ANGPT1: variants seen among roughly 807,000 people sequenced by gnomAD.
ANGPT1 encodes the protein angiopoietin-1.
Under a neutral mutation model 62.2 loss-of-function variants are expected in ANGPT1, and 17 were observed. The ratio of observed to expected loss-of-function variants is 0.27; its 90% confidence interval spans 0.19 to 0.41. The LOEUF (loss-of-function observed/expected upper bound fraction) is 0.41, where lower values mean the gene tolerates loss of function less well. Ranked by LOEUF, ANGPT1 falls within the 10% of genes least tolerant of loss-of-function variation. The pLI is 1.00. For synonymous variants in ANGPT1, 199 were observed against 198.9 expected (o/e 1.00, Z 0.00); for missense variants, 478 against 594.9 (o/e 0.80, Z 2.04).
chr8:107,414,192 G>A (rs1356383285), intron 1 of ANGPT1, among the ~76,000 whole-genome samples: 1 of 152,104 alleles, frequency 6.6e-6, no homozygotes, highest in South Asian at 2.1e-4. Context: ...ATCAGGATGG[G>A]AAGGAGTAAG....
intron 1 of ANGPT1, among the ~76,000 whole-genome samples, chr8:107,395,091 C>G (rs925223469): frequency 6.6e-6 from 1 of 152,200 alleles, no homozygotes; most frequent in East Asian, 1.9e-4. Context: ...AGTGAGCTGC[C>G]TTCTGAAGAG....
intron 1 of ANGPT1, among the ~76,000 whole-genome samples, chr8:107,358,487 T>C (rs1020047811): frequency 4.6e-5 from 7 of 152,164 alleles, no homozygotes; most frequent in Non-Finnish European, 1.0e-4. Flanking sequence ...CAAGTGCTAT[T>C]GGATGAGAGA....
chr8:107,302,498 C>T lies in ANGPT1; in HGVS notation c.936+742G>A, dbSNP rs186148451. On this transcript the variant is annotated intron_variant, in intron 5 of 8. Coordinates refer to ENST00000517746, the MANE Select transcript of ANGPT1 (RefSeq NM_001146.5). ...ATTGACAGCATTTTATAACTATCTGCATAATTGTCTATCTTCATCATTACA... is the reference window on the plus strand; with the variant it reads ...ATTGACAGCATTTTATAACTATCTGTATAATTGTCTATCTTCATCATTACA... 6.4e-4 allele frequency among the ~76,000 whole-genome samples: 98 copies of T among 152,044 alleles called. 2 individuals carry two copies. In the South Asian group the frequency reaches 0.012, roughly 18 times the overall value.
chr8:107,397,083 A>G (rs1276279784), intron 1 of ANGPT1, among the ~76,000 whole-genome samples: 5 of 152,128 alleles, frequency 3.3e-5, no homozygotes, highest in African/African-American at 1.2e-4. Context: ...TTAATGGCCC[A>G]ATTGGTAATT....
chr8:107,492,844 T>C (rs1448820245), intron 1 of ANGPT1, among the ~76,000 whole-genome samples: 1 of 150,414 alleles, frequency 6.6e-6, no homozygotes, highest in African/African-American at 2.5e-5. Flanking sequence ...ATGCATATTA[T>C]TATAATTAAG....
intron 1 of ANGPT1, among the ~76,000 whole-genome samples, chr8:107,379,289 G>A (rs1672209): frequency 0.74 from 111,898 of 151,498 alleles, 42,272 homozygotes; most frequent in East Asian, 0.87. Context: ...CCCTCCCTTG[G>A]TAGGCCACTA....
chr8:107,333,970 AAAGGAGGG>A (rs534067549), intron 3 of ANGPT1, among the ~76,000 whole-genome samples: 1,727 of 95,050 alleles, frequency 0.018, 34 homozygotes, highest in African/African-American at 0.05. Context: ...AGAAAGAAAG[AAAGGAGGG>A]AGGGAGGGAG....
At chr8:107,300,715 C>G (rs1024085156) in intron 5 of ANGPT1, among the ~76,000 whole-genome samples, 1 of 151,786 alleles carries the variant, frequency 6.6e-6, no homozygotes, top group African/African-American at 2.4e-5. Context: ...TTTTCTTAGC[C>G]TAAATATCAG....
intron 1 of ANGPT1, among the ~76,000 whole-genome samples, chr8:107,462,304 CTT>C (rs1812089639): frequency 6.6e-6 from 1 of 151,626 alleles, no homozygotes; most frequent in Non-Finnish European, 1.5e-5. Context: ...ACTGCCATCT[CTT>C]AAGCAGTACA....
At chr8:107,288,494 T>A (rs1485518343) in intron 6 of ANGPT1, among the ~76,000 whole-genome samples, 1 of 152,094 alleles carries the variant, frequency 6.6e-6, no homozygotes, top group African/African-American at 2.4e-5. Context: ...CAGAAACAGC[T>A]GTGGGGGTTT....
intron 1 of ANGPT1, among the ~76,000 whole-genome samples, chr8:107,361,825 A>G (rs1816172825): frequency 6.6e-6 from 1 of 151,990 alleles, no homozygotes; most frequent in Admixed American, 6.6e-5. Context: ...TTGGAAGGCC[A>G]AGACAGGCAG....
intron 1 of ANGPT1, among the ~76,000 whole-genome samples, chr8:107,400,986 A>G (rs1329574758): frequency 6.6e-6 from 1 of 152,062 alleles, no homozygotes; most frequent in African/African-American, 2.4e-5. Context: ...ACACCCCACA[A>G]ATGATTGCTT....
chr8:107,280,205 T>A (rs748521866), intron 7 of ANGPT1, among the ~76,000 whole-genome samples: 1 of 151,372 alleles, frequency 6.6e-6, no homozygotes, highest in African/African-American at 2.4e-5. Flanking sequence ...TTTCTTTTTT[T>A]ATTTTTTTTT....
At chr8:107,485,896 G>C (rs1428543696) in intron 1 of ANGPT1, among the ~76,000 whole-genome samples, 1 of 152,200 alleles carries the variant, frequency 6.6e-6, no homozygotes, top group African/African-American at 2.4e-5. Flanking sequence ...TAGATAAATA[G>C]TCAGACTCAA....
At chr8:107,491,128 G>A (rs1337924262) in intron 1 of ANGPT1, among the ~76,000 whole-genome samples, 1 of 151,250 alleles carries the variant, frequency 6.6e-6, no homozygotes. Context: ...TGCTAGAAAA[G>A]TCAATCTGCT....
chr8:107,414,716 C>T (rs1202715950), intron 1 of ANGPT1, among the ~76,000 whole-genome samples: 1 of 152,118 alleles, frequency 6.6e-6, no homozygotes, highest in Non-Finnish European at 1.5e-5. Flanking sequence ...TAGCACTTCC[C>T]ACTTCCAAGT....
intron 7 of ANGPT1, among the ~76,000 whole-genome samples, chr8:107,268,155 A>C (rs1813656923): frequency 6.6e-6 from 1 of 152,088 alleles, no homozygotes; most frequent in African/African-American, 2.4e-5. Flanking sequence ...ACAGTCTCTG[A>C]GATAGAGAAA....
intron 1 of ANGPT1, among the ~76,000 whole-genome samples, chr8:107,470,607 T>C (rs1463600458): frequency 6.6e-6 from 1 of 152,166 alleles, no homozygotes; most frequent in East Asian, 1.9e-4. Context: ...TGATAATTTC[T>C]TTTGCTGTGC....
intron 4 of ANGPT1, among the ~76,000 whole-genome samples, chr8:107,318,584 A>G (rs1815074869): frequency 6.6e-6 from 1 of 152,192 alleles, no homozygotes. Context: ...CTTAACACAG[A>G]AGCTATGCGT....
Sources: gnomAD v4.1 joint callset for allele counts (sites outside exome capture counted in the v4.1 genomes callset) on GRCh38, gnomAD v4.1.1 for gene constraint, MANE v1.5 for transcripts, NCBI Gene and HGNC (gene_info 2026-07-23, HGNC 2026-07-21) for gene names.